Variants in LIMD1 observed in about 807,000 individuals in gnomAD.
The protein encoded by LIMD1 is LIM domain-containing protein 1.
Under a neutral mutation model 58.4 loss-of-function variants are expected in LIMD1, and 23 were observed. The ratio of observed to expected loss-of-function variants is 0.39; its 90% CI spans 0.28 to 0.56. The LOEUF (loss-of-function observed/expected upper bound fraction) is 0.56, where lower values mean the gene tolerates loss of function less well. Ranked by LOEUF, LIMD1 falls within the 20% of genes least tolerant of loss-of-function variation. The pLI, the probability that LIMD1 is intolerant of heterozygous loss-of-function variation, is 0.57. For synonymous variants in LIMD1, 334 were observed against 345.5 expected (o/e 0.97, Z 0.37); for missense variants, 838 against 855.5 (o/e 0.98, Z 0.25).
At chr3:45,645,671 G>A (rs1466147230) in intron 2 of LIMD1, among the ~76,000 whole-genome samples, 2 of 152,160 alleles carry the variant, frequency 1.3e-5, no homozygotes, top group Admixed American at 6.5e-5. Flanking sequence ...CTGGGTTAGG[G>A]AGTAAACTCT....
Position 45,594,975 on chromosome 3 carries a change from C to A in LIMD1, c.96C>A (p.Asp32Glu). 1.2e-6 allele frequency: 2 copies of A among 1,613,956 alleles called. No homozygotes were observed. The highest frequency in any genetic ancestry group is 1.7e-6 in the Non-Finnish European group (2 of 1,180,026). ...EASKDGLFRV[D>E]KGAGNNPEFE... ...CTAAGGATGGGCTCTTCCGAGTGGA[C>A]AAGGGTGCAGGCAACAACCCCGAGT... Residue 32 changes from aspartate (D) to glutamate (E), a missense_variant, in exon 1 of 8, where the codon GAC becomes GAA. This residue lies in a region of LIMD1 where 659 missense variants were observed against 639.8 expected (regional missense o/e 1.03). Coordinates refer to ENST00000273317, the MANE Select transcript of LIMD1 (RefSeq NM_014240.3).
rs561583239 is a variant in LIMD1 at position 45,634,402 on chromosome 3, C to A, written c.1409-1748C>A. On this transcript the variant is annotated intron_variant, in intron 1 of 7. Coordinates refer to ENST00000273317, the MANE Select transcript of LIMD1 (RefSeq NM_014240.3). Reference sequence around the variant, plus strand: ...GGGCTGCTACTGTAGGGGTTCTGGGCTGGCCTAGCCTGAGAGACCTCCAGC... The same window carrying A: ...GGGCTGCTACTGTAGGGGTTCTGGGATGGCCTAGCCTGAGAGACCTCCAGC... Among the ~76,000 whole-genome samples, 43 of 152,290 alleles carry A rather than the reference C, an allele frequency of 2.8e-4. No homozygotes were observed. The South Asian group carries it at 5.4e-3, about 19-fold the overall frequency.
At chr3:45,673,105 A>C (rs890016583) in intron 5 of LIMD1, among the ~76,000 whole-genome samples, 1 of 151,870 alleles carries the variant, frequency 6.6e-6, no homozygotes, top group Non-Finnish European at 1.5e-5. Flanking sequence ...GGAATCCACC[A>C]AGCCCTGTGG....
chr3:45,631,635 T>G (rs1575352347), intron 1 of LIMD1, among the ~76,000 whole-genome samples: 1 of 151,922 alleles, frequency 6.6e-6, no homozygotes, highest in African/African-American at 2.4e-5. Context: ...AGGCAGAGGG[T>G]CACAGCCCTC....
Position 45,681,845 on chromosome 3 carries a change from T to A in LIMD1, c.*4786T>A, listed in dbSNP as rs547978180. On this transcript the variant is annotated 3_prime_UTR_variant, in exon 8 of 8. Coordinates refer to ENST00000273317, the MANE Select transcript of LIMD1 (RefSeq NM_014240.3). ...GTTTCTTTTACTGGACCTTTAAGAT[T>A]GAGACTTGTAAGGTCCTGATGCAGT... 1 of 152,248 alleles carries A rather than the reference T, an allele frequency of 6.6e-6. No homozygotes were observed. Among genetic ancestry groups the A allele is most frequent in the African/African-American group, 2.4e-5 (1 of 41,462 alleles). The allele number at this position is 152,248 out of a possible 1,614,324, so 9.4% of individuals were successfully genotyped here. A position where few individuals can be genotyped will look rare whatever the true frequency, so the allele number is the denominator to read the frequency against.
chr3:45,659,723 A>G (rs1020844831), intron 2 of LIMD1, among the ~76,000 whole-genome samples: 3 of 152,236 alleles, frequency 2.0e-5, no homozygotes, highest in Admixed American at 2.0e-4. Flanking sequence ...ACTCTGGTTT[A>G]TATAACCATT....
rs1697758230 is a variant in LIMD1, at chr3:45,682,565, T to C, written c.*5506T>C. On this transcript the variant is annotated 3_prime_UTR_variant, in exon 8 of 8. Transcript: ENST00000273317. ...GCTGTAATAGCTGGCATTTCCCGTG[T>C]GCTCATCACATAGCAGATGTTATTC... 1 of 152,308 alleles carries C rather than the reference T, an allele frequency of 6.6e-6. No homozygotes were observed. The highest frequency in any genetic ancestry group is 2.1e-4 in the South Asian group (1 of 4,836). 9.4% of individuals were successfully genotyped at this position (152,308 alleles called of 1,614,324 possible). A position where few individuals can be genotyped will look rare whatever the true frequency, so the allele number is the denominator to read the frequency against.
chr3:45,631,086 C>A (rs1305957523), intron 1 of LIMD1, among the ~76,000 whole-genome samples: 1 of 152,146 alleles, frequency 6.6e-6, no homozygotes, highest in Non-Finnish European at 1.5e-5. Context: ...CAACTGTAAT[C>A]CCAGCTACTC....
rs891886968 is a variant in LIMD1 at position 45,669,921 on chromosome 3, G to A, written c.1641+1565G>A. ...TGGACATAAACACTCATTTCTGCTG[G>A]TTATATGCTAATATTTATAAAACAT... On this transcript the variant is annotated intron_variant, in intron 4 of 7. Coordinates refer to ENST00000273317, the MANE Select transcript of LIMD1 (RefSeq NM_014240.3). Among the ~76,000 whole-genome samples the A allele has an allele frequency of 9.9e-5, 15 of 152,266 alleles. 1 individual carries two copies. The South Asian group carries it at 3.1e-3, about 32-fold the overall frequency.
chr3:45,676,978 C>T lies in LIMD1; in HGVS notation c.1950C>T (p.Asp650=). 1.2e-6 allele frequency: 2 copies of T among 1,613,944 alleles called. No individual in the cohort carries two copies. The highest frequency in any genetic ancestry group is 2.7e-5 in the African/African-American group (2 of 75,040). The change falls in exon 8 of 8, where the codon GAC becomes GAT. Residue 650 remains aspartate (D), a synonymous_variant. Coordinates refer to ENST00000273317, the MANE Select transcript of LIMD1 (RefSeq NM_014240.3). Reference sequence around the variant, plus strand: ...GCCACCGCTGTTATCCGCTGGAGGACCACCTGTTCTGTCACTCCTGCCACG... The same window carrying T: ...GCCACCGCTGTTATCCGCTGGAGGATCACCTGTTCTGTCACTCCTGCCACG... The part of the protein sequence containing the change: ...EDGHRCYPLE[D]HLFCHSCHVK...
In LIMD1 at chr3:45,657,890, A is replaced by G. The variant is rs148341037; in HGVS notation, c.1511-7760A>G. ...TACTGCTCCATGACATTGACATGTGATGTGTTTTATTTCTGCCCGACTCTT... is the reference window on the plus strand; with the variant it reads ...TACTGCTCCATGACATTGACATGTGGTGTGTTTTATTTCTGCCCGACTCTT... On this transcript the variant is annotated intron_variant, in intron 2 of 7. Transcript: ENST00000273317. Among the ~76,000 whole-genome samples the G allele has an allele frequency of 2.7e-3, 415 of 152,248 alleles. 11 individuals carry two copies. The East Asian group carries it at 0.05, about 18-fold the overall frequency.
chr3:45,659,045 A>G (rs1697390112), intron 2 of LIMD1, among the ~76,000 whole-genome samples: 1 of 152,190 alleles, frequency 6.6e-6, no homozygotes, highest in Non-Finnish European at 1.5e-5. Context: ...CATATTATAC[A>G]TATTTCTAGA....
chr3:45,614,943 G>A (rs538596579), intron 1 of LIMD1, among the ~76,000 whole-genome samples: 11 of 152,024 alleles, frequency 7.2e-5, no homozygotes, highest in Non-Finnish European at 1.3e-4. Flanking sequence ...GAATTTGAGT[G>A]AACTAAAATT....
At chr3:45,613,252 A>G (rs1242552787) in intron 1 of LIMD1, among the ~76,000 whole-genome samples, 2 of 152,222 alleles carry the variant, frequency 1.3e-5, no homozygotes, top group African/African-American at 4.8e-5. Flanking sequence ...AGGTGTCTCT[A>G]AATAGAAGCA....
chr3:45,676,591 A>T (rs757062333), intron 7 of LIMD1, among the ~76,000 whole-genome samples: 22 of 152,220 alleles, frequency 1.4e-4, no homozygotes, highest in Non-Finnish European at 2.8e-4. Flanking sequence ...GCTGAGAATG[A>T]TGGCTTCCAG....
chr3:45,667,178 C>T (rs1697531597), intron 3 of LIMD1, among the ~76,000 whole-genome samples: 1 of 152,214 alleles, frequency 6.6e-6, no homozygotes, highest in Non-Finnish European at 1.5e-5. Flanking sequence ...CCTTCGGAAT[C>T]CTCCACAGAC....
intron 1 of LIMD1, among the ~76,000 whole-genome samples, chr3:45,622,056 C>G (rs1352483628): frequency 7.1e-6 from 1 of 140,948 alleles, no homozygotes; most frequent in African/African-American, 2.6e-5. Flanking sequence ...AGCGAGACTC[C>G]ATCTCAAAAA....
chr3:45,601,222 G>GT (rs906142028), intron 1 of LIMD1, among the ~76,000 whole-genome samples: 1 of 152,226 alleles, frequency 6.6e-6, no homozygotes, highest in African/African-American at 2.4e-5. Flanking sequence ...TCAGGAGTGG[G>GT]TAGAGGAGAG....
At chr3:45,637,130 A>G (rs1701797065) in intron 2 of LIMD1, among the ~76,000 whole-genome samples, 1 of 152,134 alleles carries the variant, frequency 6.6e-6, no homozygotes, top group Non-Finnish European at 1.5e-5. Context: ...GCTCATTAGA[A>G]TCACCTGTGG....
Sources: gnomAD v4.1 joint callset for allele counts (sites outside exome capture counted in the v4.1 genomes callset) on GRCh38, gnomAD v4.1.1 for gene constraint, gnomAD v4.1.1 regional missense constraint, MANE v1.5 for transcripts, NCBI Gene and HGNC (gene_info 2026-07-23, HGNC 2026-07-21) for gene names.